The following PDE4D variants were observed in gnomAD, a reference collection of about 807,000 sequenced individuals.
PDE4D encodes the protein 3',5'-cyclic-AMP phosphodiesterase 4D.
Under a neutral mutation model 87.4 loss-of-function variants are expected in PDE4D, and 24 were observed. The ratio of observed to expected loss-of-function variants is 0.27; its 90% CI spans 0.20 to 0.39. PDE4D has a LOEUF of 0.39. Ranked by LOEUF, PDE4D falls within the 10% of genes least tolerant of loss-of-function variation. PDE4D has a pLI of 1.00. For missense variants in PDE4D, 714 were observed against 1,041.0 expected (o/e 0.69, Z 4.32); for synonymous variants, 384 against 383.2 (o/e 1.00, Z -0.02).
At chr5:60,260,277 G>A (rs1037211296) in intron 1 of PDE4D, among the ~76,000 whole-genome samples, 21 of 151,884 alleles carry the variant, frequency 1.4e-4, no homozygotes, top group Non-Finnish European at 2.2e-4. Flanking sequence ...TAAATTACCC[G>A]CCCAAAGTCA....
intron 1 of PDE4D, among the ~76,000 whole-genome samples, chr5:59,420,691 A>G (rs946924151): frequency 1.8e-5 from 1 of 55,842 alleles, no homozygotes; most frequent in Non-Finnish European, 3.9e-5. Flanking sequence ...CTGCACAAGA[A>G]AAAAAAAAAA....
chr5:59,090,807 CTTT>C lies in PDE4D; in HGVS notation c.809-51839_809-51837del, dbSNP rs61610340. Among the ~76,000 whole-genome samples the C allele has an allele frequency of 4.0e-3, 420 of 106,016 alleles. 5 individuals are homozygous for C. Among genetic ancestry groups the C allele is most frequent in the African/African-American group, 0.013 (386 of 28,966 alleles). 69.6% of individuals were successfully genotyped at this position (106,016 alleles called of 152,430 possible). A position where few individuals can be genotyped will look rare whatever the true frequency, so the allele number is the denominator to read the frequency against. Reference sequence around the variant, plus strand: ...GTAGCCATGTTTTTTTTTTCTTTTTCTTTTTTTTTTTTTTTTTTTTGGTAAAAG... The same window carrying C: ...GTAGCCATGTTTTTTTTTTCTTTTTCTTTTTTTTTTTTTTTTTGGTAAAAG... On this transcript the variant is annotated intron_variant, in intron 5 of 14. Coordinates refer to ENST00000340635, the MANE Select transcript of PDE4D (RefSeq NM_001104631.2).
chr5:60,172,457 A>C (rs1783549725), intron 2 of PDE4D, among the ~76,000 whole-genome samples: 1 of 151,990 alleles, frequency 6.6e-6, no homozygotes, highest in Non-Finnish European at 1.5e-5. Context: ...ATTATTTGTC[A>C]CAGCTTCCTC....
intron 5 of PDE4D, among the ~76,000 whole-genome samples, chr5:59,098,956 T>TA (rs1174260158): frequency 6.6e-6 from 1 of 152,152 alleles, no homozygotes; most frequent in African/African-American, 2.4e-5. Flanking sequence ...TGAGTGCTTC[T>TA]AGGCAGGAGC....
intron 1 of PDE4D, among the ~76,000 whole-genome samples, chr5:59,271,723 C>T (rs1224334136): frequency 1.3e-5 from 2 of 151,882 alleles, no homozygotes; most frequent in African/African-American, 4.8e-5. Context: ...TATTATATAA[C>T]CTGAGCAAAT....
At chr5:59,672,085 A>G (rs2150332896) in intron 1 of PDE4D, among the ~76,000 whole-genome samples, 1 of 152,316 alleles carries the variant, frequency 6.6e-6, no homozygotes, top group Non-Finnish European at 1.5e-5. Context: ...GAAAGTCTTC[A>G]GGCTAACGGC....
At chr5:60,132,309 C>A (rs1220093328) in intron 2 of PDE4D, among the ~76,000 whole-genome samples, 1 of 151,838 alleles carries the variant, frequency 6.6e-6, no homozygotes, top group Non-Finnish European at 1.5e-5. Context: ...TAGTGTAATC[C>A]CTGTATATTT....
chr5:60,124,188 A>G (rs1244511284), intron 2 of PDE4D, among the ~76,000 whole-genome samples: 1 of 152,196 alleles, frequency 6.6e-6, no homozygotes, highest in Non-Finnish European at 1.5e-5. Context: ...GTTTTATTTA[A>G]TACTATGACA....
At chr5:60,154,330 G>A (rs1423016736) in intron 2 of PDE4D, among the ~76,000 whole-genome samples, 1 of 151,956 alleles carries the variant, frequency 6.6e-6, no homozygotes, top group African/African-American at 2.4e-5. Flanking sequence ...AGGCTGGAGT[G>A]CAGTGGCACC....
intron 2 of PDE4D, among the ~76,000 whole-genome samples, chr5:60,048,064 A>G (rs1354273989): frequency 6.6e-6 from 1 of 152,060 alleles, no homozygotes; most frequent in Non-Finnish European, 1.5e-5. Context: ...TTGGGTGCAT[A>G]TATATTTAGG....
rs1338635461 is a variant in PDE4D at position 59,395,942 on chromosome 5, C to A, written c.456-179974G>T. Among the ~76,000 whole-genome samples the A allele has an allele frequency of 1.3e-4, 16 of 119,650 alleles. 5 individuals are homozygous for A. Among genetic ancestry groups the A allele is most frequent in the African/African-American group, 5.4e-4 (16 of 29,752 alleles). The allele number at this position is 119,650 out of a possible 152,430, so 78.5% of individuals were successfully genotyped here. A position where few individuals can be genotyped will look rare whatever the true frequency, so the allele number is the denominator to read the frequency against. ...AAGAACTACCTGAAGAATGCAGAAG[C>A]CTCAGGAGCTGATGCGATCAACTGG... is the stretch of plus-strand genomic sequence containing the variant. On this transcript the variant is annotated intron_variant, in intron 1 of 14. Transcript: ENST00000340635.
chr5:59,525,997 T>C (rs1006424752), intron 1 of PDE4D, among the ~76,000 whole-genome samples: 2 of 152,214 alleles, frequency 1.3e-5, no homozygotes, highest in South Asian at 2.1e-4. Flanking sequence ...AGCATGAAAA[T>C]GGACTAATAC....
Position 59,299,996 on chromosome 5 carries a change from C to T in PDE4D, c.456-84028G>A, listed in dbSNP as rs549327805. ...GCGTGGTGTCCCGTGCCTGTAGTCC[C>T]GGCTACTTGGGAGGCTGAGGCAGGA... On this transcript the variant is annotated intron_variant, in intron 1 of 14. Transcript: ENST00000340635. Among the ~76,000 whole-genome samples the T allele has an allele frequency of 6.6e-5, 10 of 151,386 alleles. No individual in the cohort carries two copies. In the South Asian group the frequency reaches 8.4e-4, roughly 13 times the overall value.
At chr5:59,737,054 A>G (rs2150643758) in intron 1 of PDE4D, among the ~76,000 whole-genome samples, 1 of 152,268 alleles carries the variant, frequency 6.6e-6, no homozygotes, top group Non-Finnish European at 1.5e-5. Flanking sequence ...TTTTCACAGC[A>G]ATGAGAAATT....
In PDE4D at chr5:59,377,437, G is replaced by A. The variant is rs995246569; in HGVS notation, c.456-161469C>T. ...CATCTCAAAAAAAAAAAAAAAATAT[G>A]TCATGACAAAGACACCAAAACCAAT... On this transcript the variant is annotated intron_variant, in intron 1 of 14. Transcript: ENST00000340635. 6.0e-4 allele frequency among the ~76,000 whole-genome samples: 89 copies of A among 147,962 alleles called. 1 individual carries two copies. In the East Asian group the frequency reaches 0.015, roughly 25 times the overall value.
Position 60,261,644 on chromosome 5 carries a change from T to C in PDE4D, c.-89-75957A>G, listed in dbSNP as rs530228520. On this transcript the variant is annotated intron_variant, in intron 1 of 16. Transcript: ENST00000502484. ...ATGAAAGAAAGAGGTGGGCTGAGTTTAGCACTTACAACCTAAAGATAATGC... is the reference window on the plus strand; with the variant it reads ...ATGAAAGAAAGAGGTGGGCTGAGTTCAGCACTTACAACCTAAAGATAATGC... Among the ~76,000 whole-genome samples, 22 of 152,292 alleles carry C rather than the reference T, an allele frequency of 1.4e-4. No homozygotes were observed. In the East Asian group the frequency reaches 1.9e-3, roughly 13 times the overall value.
chr5:59,628,657 C>G (rs1032070835), intron 1 of PDE4D, among the ~76,000 whole-genome samples: 1 of 151,958 alleles, frequency 6.6e-6, no homozygotes, highest in African/African-American at 2.4e-5. Flanking sequence ...AAGTAGGGCC[C>G]TGGCACCATG....
rs185873894 is a variant in PDE4D, at chr5:59,486,815, A to T, written c.456-270847T>A. ...TGCATTAAATATACAATGCCCTGTT[A>T]AAGTGACTGAAAAATACTAGGTTTT... On this transcript the variant is annotated intron_variant, in intron 1 of 14. Coordinates refer to ENST00000340635, the MANE Select transcript of PDE4D (RefSeq NM_001104631.2). Among the ~76,000 whole-genome samples the T allele has an allele frequency of 1.6e-4, 25 of 152,336 alleles. No individual in the cohort carries two copies. The South Asian group carries it at 4.4e-3, about 27-fold the overall frequency.
Position 58,969,383 on chromosome 5 carries a change from TCA to T in PDE4D, c.*5279_*5280del, listed in dbSNP as rs1378507727. ...GCGGCTCCAGGCCCTGCCTACTCTCTCACTTTTCCTCAGTTTCTCCAGATGTC... is the reference window on the plus strand; with the variant it reads ...GCGGCTCCAGGCCCTGCCTACTCTCTCTTTTCCTCAGTTTCTCCAGATGTC... On this transcript the variant is annotated 3_prime_UTR_variant, in exon 15 of 15. Coordinates refer to ENST00000340635, the MANE Select transcript of PDE4D (RefSeq NM_001104631.2). 6.6e-6 allele frequency: 1 copy of T among 152,258 alleles called. No homozygotes were observed. The highest frequency in any genetic ancestry group is 1.5e-5 in the Non-Finnish European group (1 of 68,062). The allele number at this position is 152,258 out of a possible 1,614,324, so 9.4% of individuals were successfully genotyped here. A position where few individuals can be genotyped will look rare whatever the true frequency, so the allele number is the denominator to read the frequency against.
Sources: allele counts gnomAD v4.1 joint callset (sites outside exome capture counted in the v4.1 genomes callset), GRCh38; gene constraint gnomAD v4.1.1; transcripts MANE v1.5; gene names NCBI Gene and HGNC (gene_info 2026-07-23, HGNC 2026-07-21).